Variants in FGF13 observed in about 807,000 individuals in gnomAD.
FGF13 encodes fibroblast growth factor homologous factor 2.
Under a neutral mutation model 19.5 loss-of-function variants are expected in FGF13, and 2 were observed. That is an observed-to-expected ratio of 0.10 (90% CI 0.04 to 0.32). FGF13 has a LOEUF of 0.32. FGF13 is among the 10% of genes least tolerant of loss of function. The pLI, the probability that FGF13 is intolerant of heterozygous loss-of-function variation, is 1.00. For missense variants in FGF13, 113 were observed against 192.7 expected, an observed-to-expected ratio of 0.59 and a Z score of 2.45; for synonymous variants, 72 against 76.9, an observed-to-expected ratio of 0.94 and a Z score of 0.33.
intron 1 of FGF13, among the ~76,000 whole-genome samples, chrX:139,035,469 G>C (rs762592019): frequency 1.8e-5 from 2 of 111,529 alleles, no homozygotes; most frequent in East Asian, 5.7e-4. Context: ...TATTCAGTGG[G>C]TCTGGCCACT....
At chrX:138,905,896 G>A in intron 1 of FGF13, among the ~76,000 whole-genome samples, 1 of 111,465 alleles carries the variant, frequency 9.0e-6, no homozygotes, top group Non-Finnish European at 1.9e-5. Flanking sequence ...AATGTTCAAT[G>A]GGTTCTTTTT....
chrX:138,734,312 G>C (rs761356140), intron 1 of FGF13, among the ~76,000 whole-genome samples: 1 of 111,581 alleles, frequency 9.0e-6, no homozygotes, highest in Non-Finnish European at 1.9e-5. Context: ...CTGTATAGCA[G>C]TGGTTAACTA....
chrX:138,994,475 A>G (rs2092032880), intron 1 of FGF13, among the ~76,000 whole-genome samples: 1 of 111,844 alleles, frequency 8.9e-6, no homozygotes, highest in Non-Finnish European at 1.9e-5. Context: ...TGGTAGACTT[A>G]ATTTCAAATT....
intron 3 of FGF13, among the ~76,000 whole-genome samples, chrX:138,750,758 C>T (rs2090392395): frequency 9.0e-6 from 1 of 111,047 alleles, no homozygotes; most frequent in Admixed American, 9.6e-5. Flanking sequence ...GGAAAGGGAC[C>T]TGGTCTAGAG....
chrX:138,989,720 C>T (rs1269034968), intron 1 of FGF13, among the ~76,000 whole-genome samples: 2 of 102,238 alleles, frequency 2.0e-5, no homozygotes, highest in Admixed American at 1.1e-4. Flanking sequence ...ACGATAATGA[C>T]ATGGAAAAAC....
At chrX:138,852,405 C>T (rs4829945) in intron 3 of FGF13, among the ~76,000 whole-genome samples, 33,681 of 110,095 alleles carry the variant, frequency 0.31, 3,874 homozygotes, top group East Asian at 0.48. Flanking sequence ...AGACCGCACA[C>T]CTACAACCAT....
At chrX:139,083,289 T>C (rs150215054) in intron 1 of FGF13, among the ~76,000 whole-genome samples, 32 of 111,839 alleles carry the variant, frequency 2.9e-4, no homozygotes, top group African/African-American at 1.0e-3. Flanking sequence ...ATTACATCCA[T>C]TATCTCATTT....
chrX:138,936,351 G>A (rs905611421), intron 1 of FGF13, among the ~76,000 whole-genome samples: 2 of 112,135 alleles, frequency 1.8e-5, no homozygotes, highest in Admixed American at 9.4e-5. Context: ...GGATGACTCC[G>A]AGAAAATTAT....
intron 1 of FGF13, among the ~76,000 whole-genome samples, chrX:139,054,797 G>T (rs1267863952): frequency 9.1e-6 from 1 of 110,266 alleles, no homozygotes; most frequent in Non-Finnish European, 1.9e-5. Context: ...CCAGCATTTT[G>T]TAGTCTTCCT....
chrX:138,790,172 C>A (rs972294223), intron 3 of FGF13, among the ~76,000 whole-genome samples: 4 of 105,560 alleles, frequency 3.8e-5, no homozygotes, highest in Admixed American at 1.0e-4. Flanking sequence ...ACGATGCCAG[C>A]GTGGTTGGAT....
chrX:139,126,911 C>T lies in FGF13; in HGVS notation c.-113+76505G>A, dbSNP rs1056767581. Among the ~76,000 whole-genome samples, 3 of 111,852 alleles carry T rather than the reference C, an allele frequency of 2.7e-5. No individual in the cohort carries two copies. The South Asian group carries it at 1.1e-3, about 42-fold the overall frequency. On this transcript the variant is annotated intron_variant, in intron 1 of 2. Transcript: ENST00000421460. ...CTTGCCTGTCCAAAGGGCTTACCTCCTTCATTTCAGCTCACCACACCCAAC... is the reference window on the plus strand; with the variant it reads ...CTTGCCTGTCCAAAGGGCTTACCTCTTTCATTTCAGCTCACCACACCCAAC...
At chrX:138,909,974 C>G (rs2091578888) in intron 1 of FGF13, among the ~76,000 whole-genome samples, 1 of 111,193 alleles carries the variant, frequency 9.0e-6, no homozygotes. Flanking sequence ...TCTTATATCA[C>G]AAACTTCCCA....
chrX:139,170,158 C>T (rs936102690), intron 1 of FGF13, among the ~76,000 whole-genome samples: 1 of 111,223 alleles, frequency 9.0e-6, no homozygotes, highest in Non-Finnish European at 1.9e-5. Context: ...AAAAACCATT[C>T]CCCCTAAATC....
chrX:139,076,981 AAAAG>A (rs1243508728), intron 1 of FGF13, among the ~76,000 whole-genome samples: 16 of 112,258 alleles, frequency 1.4e-4, no homozygotes, highest in African/African-American at 4.9e-4. Context: ...GATGACAAAG[AAAAG>A]AAAGAATGTT....
At chrX:138,867,318 C>G (rs1000972587) in intron 1 of FGF13, among the ~76,000 whole-genome samples, 2 of 111,229 alleles carry the variant, frequency 1.8e-5, no homozygotes, top group Non-Finnish European at 3.8e-5. Flanking sequence ...ACTCAGGAGG[C>G]TGAGGTGGGA....
intron 3 of FGF13, among the ~76,000 whole-genome samples, chrX:138,688,233 G>A (rs2089804420): frequency 9.1e-6 from 1 of 110,236 alleles, no homozygotes; most frequent in African/African-American, 3.3e-5. Flanking sequence ...AAAGTGCTGG[G>A]ATTACAGGCA....
At chrX:138,794,657 G>A (rs776708005) in intron 3 of FGF13, among the ~76,000 whole-genome samples, 9 of 111,298 alleles carry the variant, frequency 8.1e-5, no homozygotes, top group Middle Eastern at 4.6e-3. Flanking sequence ...ATTTAGTCGC[G>A]GAGAACATCA....
chrX:138,948,134 C>T (rs2091791367), intron 1 of FGF13, among the ~76,000 whole-genome samples: 1 of 111,589 alleles, frequency 9.0e-6, no homozygotes, highest in Non-Finnish European at 1.9e-5. Context: ...AATACAAGGG[C>T]TTACCCACAC....
chrX:139,147,670 G>A lies in FGF13; in HGVS notation c.-113+55746C>T, dbSNP rs2083901484. 2.7e-5 allele frequency among the ~76,000 whole-genome samples: 3 copies of A among 111,588 alleles called. No homozygotes were observed. The South Asian group carries it at 1.1e-3, about 43-fold the overall frequency. On this transcript the variant is annotated intron_variant, in intron 1 of 2. Coordinates refer to the FGF13 transcript ENST00000421460. ...AGTCTGAAATCAAGTTGTCAACAGA[G>A]ACATGCTTCCTTGGCTAGTAGCTGC...
Sources: gnomAD v4.1 joint callset for allele counts (sites outside exome capture counted in the v4.1 genomes callset) on GRCh38, gnomAD v4.1.1 for gene constraint, MANE v1.5 for transcripts, NCBI Gene and HGNC (gene_info 2026-07-23, HGNC 2026-07-21) for gene names.